Variants in AADACL4 observed in about 807,000 individuals in gnomAD.
AADACL4 encodes the protein arylacetamide deacetylase like 4, also known as arylacetamide deacetylase-like 4.
AADACL4 carries 9 observed loss-of-function variants against 14.1 expected under a neutral mutation model. The ratio of observed to expected loss-of-function variants is 0.64; its 90% CI spans 0.39 to 1.12. The LOEUF is 1.12. AADACL4 is among the 50% of genes most tolerant of loss of function. AADACL4 has a pLI of 0.01. For synonymous variants in AADACL4, 188 were observed against 201.6 expected (o/e 0.93, Z 0.57); for missense variants, 531 against 516.1 (o/e 1.03, Z -0.28).
intron 2 of AADACL4, among the ~76,000 whole-genome samples, chr1:12,652,491 G>T (rs1647155113): frequency 6.6e-6 from 1 of 152,188 alleles, no homozygotes; most frequent in African/African-American, 2.4e-5. Context: ...TCCAGCTGGT[G>T]TCCCTGCTCT....
intron 1 of AADACL4, among the ~76,000 whole-genome samples, chr1:12,650,822 C>T (rs749264354): frequency 2.6e-5 from 4 of 152,190 alleles, no homozygotes; most frequent in African/African-American, 7.2e-5. Flanking sequence ...TGAGCCACTG[C>T]GCCCGGCCAA....
In AADACL4 at chr1:12,666,330, A is replaced by C. The variant is rs761685685; in HGVS notation, c.819A>C (p.Val273=). ...WRDAILNGTC[V]PPDVWRKYEK... ...ACGCCATCTTGAACGGCACTTGTGT[A>C]CCCCCAGACGTCTGGAGGAAGTACG... is the stretch of plus-strand genomic sequence containing the variant. Residue 273 remains valine, a synonymous_variant, in exon 4 of 4, where the codon GTA becomes GTC. Transcript: ENST00000376221. 3.7e-6 allele frequency: 6 copies of C among 1,613,972 alleles called. No homozygotes were observed. The Admixed American group carries it at 5.0e-5, about 13-fold the overall frequency.
chr1:12,662,191 A>T (rs1213024228), intron 3 of AADACL4, among the ~76,000 whole-genome samples: 1 of 152,242 alleles, frequency 6.6e-6, no homozygotes, highest in Non-Finnish European at 1.5e-5. Context: ...CTAAGTGAAA[A>T]ATGTTCAAAA....
chr1:12,653,458 G>A (rs1053314810), intron 2 of AADACL4, among the ~76,000 whole-genome samples: 6 of 152,202 alleles, frequency 3.9e-5, no homozygotes, highest in Non-Finnish European at 7.3e-5. Context: ...CAGCAGTGAC[G>A]TTATTGAAAT....
At chr1:12,648,178 G>T (rs192462429) in intron 1 of AADACL4, among the ~76,000 whole-genome samples, 1 of 151,424 alleles carries the variant, frequency 6.6e-6, no homozygotes, top group African/African-American at 2.4e-5. Flanking sequence ...CACCATGTTA[G>T]CCAGGATGGT....
intron 2 of AADACL4, among the ~76,000 whole-genome samples, chr1:12,656,207 G>A (rs1647178278): frequency 6.6e-6 from 1 of 152,166 alleles, no homozygotes; most frequent in African/African-American, 2.4e-5. Context: ...GGATGGACTG[G>A]TCCTGGCATT....
chr1:12,666,297 C>T lies in AADACL4; in HGVS notation c.786C>T (p.Ser262=). Residue 262 remains serine, a synonymous_variant, in exon 4 of 4, where the codon TCC becomes TCT. Transcript: ENST00000376221. ...SLCNYLAIDL[S]WRDAILNGTC... is the part of the protein sequence containing the mutation. ...GTAACTATCTGGCCATTGACCTCTCCTGGCGTGACGCCATCTTGAACGGCA... is the reference window on the plus strand; with the variant it reads ...GTAACTATCTGGCCATTGACCTCTCTTGGCGTGACGCCATCTTGAACGGCA... The T allele has an allele frequency of 1.2e-6, 2 of 1,614,234 alleles. No individual in the cohort carries two copies. Among genetic ancestry groups the T allele is most frequent in the Non-Finnish European group, 1.7e-6 (2 of 1,180,040 alleles).
intron 2 of AADACL4, among the ~76,000 whole-genome samples, chr1:12,652,096 T>A (rs1291440430): frequency 6.6e-6 from 1 of 152,082 alleles, no homozygotes; most frequent in Non-Finnish European, 1.5e-5. Context: ...GTGCTGGGAT[T>A]ACAGGCGTGA....
intron 2 of AADACL4, among the ~76,000 whole-genome samples, chr1:12,658,150 T>TTC (rs1293382139): frequency 3.6e-5 from 5 of 137,682 alleles, no homozygotes; most frequent in Non-Finnish European, 7.5e-5. Context: ...CTTTCTTTCT[T>TTC]TCTTTCTTTC....
At chr1:12,646,769 G>T (rs993205365) in intron 1 of AADACL4, among the ~76,000 whole-genome samples, 1 of 152,236 alleles carries the variant, frequency 6.6e-6, no homozygotes, top group Non-Finnish European at 1.5e-5. Context: ...TGCAGCCGCT[G>T]AAAGGGTGGA....
intron 2 of AADACL4, among the ~76,000 whole-genome samples, chr1:12,657,234 A>G (rs1019005975): frequency 6.6e-6 from 1 of 151,852 alleles, no homozygotes; most frequent in Non-Finnish European, 1.5e-5. Flanking sequence ...GTGACCCATC[A>G]GGGTGAATTG....
rs188277563 is a variant in AADACL4, at chr1:12,662,006, G to A, written c.449+152G>A. Reference sequence around the variant, plus strand: ...GACAGGCGCAGCAGTGCTCGAAAGAGCAAAAACCTGAAAGCAACCCACATG... The same window carrying A: ...GACAGGCGCAGCAGTGCTCGAAAGAACAAAAACCTGAAAGCAACCCACATG... On this transcript the variant is annotated intron_variant, in intron 3 of 3. Coordinates refer to ENST00000376221, the MANE Select transcript of AADACL4 (RefSeq NM_001013630.2). The A allele has an allele frequency of 4.8e-6, 4 of 831,348 alleles. No homozygotes were observed. The East Asian group carries it at 1.0e-4, about 21-fold the overall frequency. The allele number at this position is 831,348 out of a possible 1,614,324, so 51.5% of individuals were successfully genotyped here.
At position 12,666,270 on chromosome 1, in the gene AADACL4, G is replaced by A. The variant is rs977656739; in HGVS notation, c.759G>A (p.Leu253=). The change falls in exon 4 of 4, where the codon CTG becomes CTA. Residue 253 remains leucine (L), a synonymous_variant. Transcript: ENST00000376221. ...LLSRKFMVTS[L]CNYLAIDLSW... ...CCCGGAAGTTCATGGTGACTTCTCT[G>A]TGTAACTATCTGGCCATTGACCTCT... 4 of 1,614,118 alleles carry A rather than the reference G, an allele frequency of 2.5e-6. No homozygotes were observed. The highest frequency in any genetic ancestry group is 3.4e-6 in the Non-Finnish European group (4 of 1,180,060).
chr1:12,660,597 A>G (rs1166806937), intron 2 of AADACL4, among the ~76,000 whole-genome samples: 1 of 152,050 alleles, frequency 6.6e-6, no homozygotes, highest in African/African-American at 2.4e-5. Flanking sequence ...TTTTAAAGTC[A>G]TATTCATACC....
Position 12,651,169 on chromosome 1 carries a change from T to C in AADACL4, c.215T>C (p.Ile72Thr). The change falls in exon 2 of 4, where the codon ATT (isoleucine) becomes ACT (threonine). Residue 72 changes from isoleucine to threonine, a missense_variant. Coordinates refer to ENST00000376221, the MANE Select transcript of AADACL4 (RefSeq NM_001013630.2). ...KLGICSMPKFIRFLHDSVRIK... is the reference protein window; with the variant it reads ...KLGICSMPKFTRFLHDSVRIK... ...GGAATTTGCTCCATGCCCAAATTTA[T>C]TCGTTTTTTACATGATAGCGTGAGA... 2.5e-6 allele frequency: 4 copies of C among 1,614,234 alleles called. No individual in the cohort carries two copies. Among genetic ancestry groups the C allele is most frequent in the Non-Finnish European group, 3.4e-6 (4 of 1,180,042 alleles).
intron 2 of AADACL4, among the ~76,000 whole-genome samples, chr1:12,651,831 T>TC (rs1241117800): frequency 6.7e-6 from 1 of 148,174 alleles, no homozygotes; most frequent in Non-Finnish European, 1.5e-5. Context: ...TAGGAGGATT[T>TC]TTTTTTTTTT....
intron 3 of AADACL4, among the ~76,000 whole-genome samples, 155 bp from the exon 4 acceptor site, chr1:12,665,806 A>G (rs529981546): frequency 7.2e-5 from 11 of 152,352 alleles, no homozygotes; most frequent in African/African-American, 2.6e-4. Flanking sequence ...TCACATGCTC[A>G]TAGGAAGACA....
chr1:12,644,477 A>G lies in AADACL4; in HGVS notation c.-70A>G. ...GTGGAGGAGGCGGAGGGTGTAACCC[A>G]GCCAGGTCCTCTTCACATAAGCTAT... is the stretch of plus-strand genomic sequence containing the variant. On this transcript the variant is annotated 5_prime_UTR_variant, in exon 1 of 4. Transcript: ENST00000376221. 6.4e-7 allele frequency: 1 copy of G among 1,561,034 alleles called. No individual in the cohort carries two copies. Among genetic ancestry groups the G allele is most frequent in the Non-Finnish European group, 8.7e-7 (1 of 1,148,972 alleles).
intron 2 of AADACL4, among the ~76,000 whole-genome samples, chr1:12,660,081 G>C (rs755459871): frequency 1.3e-5 from 2 of 152,230 alleles, no homozygotes; most frequent in Non-Finnish European, 2.9e-5. Context: ...GCCTTCCAAA[G>C]TGTTGGGGTT....
Sources: allele counts gnomAD v4.1 joint callset (sites outside exome capture counted in the v4.1 genomes callset), GRCh38; gene constraint gnomAD v4.1.1; transcripts MANE v1.5; gene names NCBI Gene and HGNC (gene_info 2026-07-23, HGNC 2026-07-21).